The following CC2D2A variants were observed in gnomAD, a reference collection of about 807,000 sequenced individuals.
CC2D2A encodes the protein coiled-coil and C2 domain-containing protein 2A.
Under a neutral mutation model 212.9 loss-of-function variants are expected in CC2D2A, and 155 were observed. The observed-to-expected ratio is 0.73, with a 90% CI of 0.64 to 0.83. The LOEUF (loss-of-function observed/expected upper bound fraction) is 0.83. Among genes scored for constraint, CC2D2A ranks in the 40% least tolerant of loss-of-function variants. The probability of loss-of-function intolerance (pLI) is 0.00; values close to 1 mark genes in which losing one functional copy is unlikely to be tolerated. For missense variants in CC2D2A, 1,856 were observed against 1,956.2 expected (o/e 0.95, Z 0.97); for synonymous variants, 667 against 686.5 (o/e 0.97, Z 0.44).
intron 28 of CC2D2A, among the ~76,000 whole-genome samples, chr4:15,573,137 A>T (rs199662716): frequency 9.6e-5 from 1 of 10,370 alleles, no homozygotes; most frequent in Admixed American, 2.2e-3. Context: ...CTTCAGTCCA[A>T]TCGATACTTA....
chr4:15,511,537 A>G, intron 8 of CC2D2A, 114 bp downstream of exon 8: 1 of 935,092 alleles, frequency 1.1e-6, no homozygotes, highest in Non-Finnish European at 1.5e-6. Flanking sequence ...CAGGAGAATG[A>G]CACTCCACGT....
At chr4:15,501,121 G>A (rs1187847147) in intron 4 of CC2D2A, among the ~76,000 whole-genome samples, 2 of 152,120 alleles carry the variant, frequency 1.3e-5, no homozygotes, top group Non-Finnish European at 2.9e-5. Flanking sequence ...TCCAGGTTGA[G>A]TGTGTGTTTA....
At chr4:15,540,365 A>G (rs1230311656) in intron 16 of CC2D2A, among the ~76,000 whole-genome samples, 1 of 152,136 alleles carries the variant, frequency 6.6e-6, no homozygotes, top group Non-Finnish European at 1.5e-5. Flanking sequence ...TCCATTGAAC[A>G]TTCACTTACT....
intron 7 of CC2D2A, among the ~76,000 whole-genome samples, 154 bp downstream of exon 7, chr4:15,510,394 A>C (rs1239041542): frequency 1.3e-5 from 2 of 152,154 alleles, no homozygotes; most frequent in African/African-American, 4.8e-5. Context: ...ACAGGAGTTC[A>C]AGACCAGCCT....
intron 23 of CC2D2A, among the ~76,000 whole-genome samples, 189 bp from the exon 24 acceptor site, chr4:15,563,166 T>A (rs929559669): frequency 6.6e-6 from 1 of 152,150 alleles, no homozygotes; most frequent in Non-Finnish European, 1.5e-5. Context: ...CTAGAGTAAG[T>A]TTTAACAATC....
chr4:15,570,521 A>T (rs1241640479), intron 28 of CC2D2A, 25 bp downstream of exon 28: 1 of 1,466,580 alleles, frequency 6.8e-7, no homozygotes, highest in African/African-American at 1.4e-5. Flanking sequence ...TTAGAGGTCC[A>T]TGAGAGCAGG....
At chr4:15,490,338 T>C (rs558007968) in intron 4 of CC2D2A, among the ~76,000 whole-genome samples, 1 of 152,352 alleles carries the variant, frequency 6.6e-6, no homozygotes, top group East Asian at 1.9e-4. Flanking sequence ...TGATCTGTTT[T>C]CTATCCCTGT....
chr4:15,584,253 A>G (rs1166031212), intron 30 of CC2D2A, among the ~76,000 whole-genome samples: 1 of 152,206 alleles, frequency 6.6e-6, no homozygotes, highest in African/African-American at 2.4e-5. Context: ...CCTGTCTTCA[A>G]AATATACTAC....
chr4:15,527,476 T>C lies in CC2D2A; in HGVS notation c.1179T>C (p.His393=), dbSNP rs368203865. 8 of 1,613,600 alleles carry C rather than the reference T, an allele frequency of 5.0e-6. No homozygotes were observed. Among genetic ancestry groups the C allele is most frequent in the Non-Finnish European group, 5.9e-6 (7 of 1,179,708 alleles). The part of the protein sequence containing the change: ...KAVKYVHSSQ[H]VIRSGDPPGN... ...TAAAATACGTTCACAGTAGTCAGCA[T>C]GTGATCAGATCTGGAGACCCTCCTG... Residue 393 remains histidine (H), a synonymous_variant, in exon 12 of 37, where the codon CAT becomes CAC. Transcript: ENST00000424120.
In CC2D2A at chr4:15,502,494, A is replaced by C; in HGVS notation, c.313A>C (p.Arg105=). The change falls in exon 5 of 37, where the codon AGG becomes CGG. Residue 105 remains arginine, a synonymous_variant. Coordinates refer to ENST00000424120, the MANE Select transcript of CC2D2A (RefSeq NM_001378615.1). ...AGAATTTTCCATGAGGGGACGCATG[A>C]GGGAGAAATTGCAAGCAGCGAGGGT... is the stretch of plus-strand genomic sequence containing the variant. The part of the protein sequence containing the change: ...FAEFSMRGRM[R]EKLQAARSKA... 1 of 1,607,456 alleles carries C rather than the reference A, an allele frequency of 6.2e-7. No individual in the cohort carries two copies. Among genetic ancestry groups the C allele is most frequent in the Non-Finnish European group, 8.5e-7 (1 of 1,178,316 alleles).
At position 15,507,091 on chromosome 4, in the gene CC2D2A, GA is replaced by G. The variant is rs1020246995; in HGVS notation, c.439-3039del. Among the ~76,000 whole-genome samples the G allele has an allele frequency of 1.4e-4, 21 of 147,582 alleles. No homozygotes were observed. The East Asian group carries it at 2.8e-3, about 19-fold the overall frequency. ...AGACTCCATCTCAAAAAAAAAAAAAGAAAAAAAAATCCTTACACTGGGTAAT... is the reference window on the plus strand; with the variant it reads ...AGACTCCATCTCAAAAAAAAAAAAAGAAAAAAAATCCTTACACTGGGTAAT... On this transcript the variant is annotated intron_variant, in intron 6 of 36. Transcript: ENST00000424120.
At chr4:15,522,539 G>A (rs1320951435) in intron 11 of CC2D2A, among the ~76,000 whole-genome samples, 2 of 151,666 alleles carry the variant, frequency 1.3e-5, no homozygotes, top group Non-Finnish European at 2.9e-5. Context: ...AGGGGGAAAA[G>A]GGTAGTTTTT....
At chr4:15,486,722 GTTTC>G (rs1279225542) in intron 4 of CC2D2A, among the ~76,000 whole-genome samples, 1 of 151,554 alleles carries the variant, frequency 6.6e-6, no homozygotes, top group Non-Finnish European at 1.5e-5. Flanking sequence ...TTGATTTTCT[GTTTC>G]TTTAAGATGC....
At chr4:15,556,011 T>A (rs1247596656) in intron 20 of CC2D2A, among the ~76,000 whole-genome samples, 1 of 152,232 alleles carries the variant, frequency 6.6e-6, no homozygotes, top group Non-Finnish European at 1.5e-5. Context: ...TGTTTTCTTG[T>A]TGTTGATTAA....
At chr4:15,476,710 GTAACAAT>G (rs1360157282) in intron 2 of CC2D2A, among the ~76,000 whole-genome samples, 1 of 152,188 alleles carries the variant, frequency 6.6e-6, no homozygotes, top group Non-Finnish European at 1.5e-5. Flanking sequence ...CAGAATGAAG[GTAACAAT>G]TGTAGACACC....
intron 17 of CC2D2A, among the ~76,000 whole-genome samples, chr4:15,549,432 A>C (rs867111430): frequency 6.6e-6 from 1 of 152,126 alleles, no homozygotes; most frequent in Non-Finnish European, 1.5e-5. Context: ...GTGCCCCTCC[A>C]TGATCAGCCA....
At chr4:15,473,428 T>G (rs1210307184) in intron 1 of CC2D2A, among the ~76,000 whole-genome samples, 1 of 152,238 alleles carries the variant, frequency 6.6e-6, no homozygotes, top group Non-Finnish European at 1.5e-5. Flanking sequence ...GCAAGAGCCA[T>G]GCAGATATCT....
chr4:15,499,012 G>A (rs188379797), intron 4 of CC2D2A, among the ~76,000 whole-genome samples: 104 of 152,282 alleles, frequency 6.8e-4, no homozygotes, highest in Non-Finnish European at 1.2e-3. Flanking sequence ...GTACAGACCT[G>A]ATTTGGAAAT....
intron 32 of CC2D2A, among the ~76,000 whole-genome samples, chr4:15,589,284 G>A (rs987576085): frequency 2.0e-5 from 3 of 152,152 alleles, no homozygotes; most frequent in East Asian, 3.9e-4. Context: ...CCAATCTTAA[G>A]ATATACTGGT....
Sources: gnomAD v4.1 joint callset for allele counts (sites outside exome capture counted in the v4.1 genomes callset) on GRCh38, gnomAD v4.1.1 for gene constraint, MANE v1.5 for transcripts, NCBI Gene and HGNC (gene_info 2026-07-23, HGNC 2026-07-21) for gene names.